ZC3H12B: variants seen among roughly 807,000 people sequenced by gnomAD.
The protein encoded by ZC3H12B is probable ribonuclease ZC3H12B.
ZC3H12B carries 7 observed loss-of-function variants against 43.9 expected under a neutral mutation model. The ratio of observed to expected loss-of-function variants is 0.16; its 90% confidence interval spans 0.09 to 0.30. ZC3H12B has a LOEUF of 0.30. Ranked by LOEUF, ZC3H12B falls within the 10% of genes least tolerant of loss-of-function variation. ZC3H12B has a pLI of 1.00. For synonymous variants in ZC3H12B, 222 were observed against 241.7 expected, an observed-to-expected ratio of 0.92 and a Z score of 0.76; for missense variants, 475 against 670.2, an observed-to-expected ratio of 0.71 and a Z score of 3.22.
chrX:65,245,166 A>G, the ZC3H12B span, among the ~76,000 whole-genome samples: 1 of 111,908 alleles, frequency 8.9e-6, no homozygotes, highest in Non-Finnish European at 1.9e-5. Context: ...ATTCCTGAAT[A>G]CATACAACCT....
the ZC3H12B span, among the ~76,000 whole-genome samples, chrX:65,094,809 C>T: frequency 8.9e-6 from 1 of 111,948 alleles, no homozygotes; most frequent in South Asian, 3.7e-4. Context: ...ATGGGAAGTA[C>T]ACATAAAGCA....
the ZC3H12B span, among the ~76,000 whole-genome samples, chrX:65,090,875 C>T: frequency 9.0e-6 from 1 of 111,059 alleles, no homozygotes; most frequent in Non-Finnish European, 1.9e-5. Context: ...TTGTTGCTGT[C>T]CTTGCGTTAG....
chrX:65,211,786 T>A, the ZC3H12B span, among the ~76,000 whole-genome samples: 1 of 82,183 alleles, frequency 1.2e-5, no homozygotes, highest in Non-Finnish European at 2.1e-5. Context: ...TAATATATTA[T>A]AAATATTATG....
the ZC3H12B span, among the ~76,000 whole-genome samples, chrX:65,340,871 C>A: frequency 0.083 from 9,218 of 111,422 alleles, 1,031 homozygotes; most frequent in African/African-American, 0.29. Flanking sequence ...GCTGAAATGA[C>A]AGAAATAAAA....
At chrX:65,453,453 G>T (rs2067553066) in intron 3 of ZC3H12B, among the ~76,000 whole-genome samples, 2 of 96,476 alleles carry the variant, frequency 2.1e-5, no homozygotes, top group African/African-American at 3.8e-5. Flanking sequence ...AGGTGCGGTT[G>T]CTCATGCCTG....
At chrX:65,178,807 TTGG>T in the ZC3H12B span, among the ~76,000 whole-genome samples, 4 of 112,008 alleles carry the variant, frequency 3.6e-5, no homozygotes, top group African/African-American at 1.3e-4. Flanking sequence ...TTTTACACTG[TTGG>T]TGGGAGTGTA....
the ZC3H12B span, among the ~76,000 whole-genome samples, chrX:65,097,059 T>G: frequency 8.9e-6 from 1 of 111,827 alleles, no homozygotes; most frequent in Non-Finnish European, 1.9e-5. Context: ...GTCCATAAGT[T>G]GTTAAAATTT....
chrX:65,169,029 C>T, the ZC3H12B span, among the ~76,000 whole-genome samples: 1 of 111,257 alleles, frequency 9.0e-6, no homozygotes, highest in East Asian at 2.8e-4. Flanking sequence ...GTGTCTCTGT[C>T]TCCTTCAGTT....
the ZC3H12B span, among the ~76,000 whole-genome samples, chrX:65,216,747 C>A: frequency 8.9e-6 from 1 of 111,784 alleles, no homozygotes; most frequent in Non-Finnish European, 1.9e-5. Context: ...TTTTTTCTTA[C>A]AACATGAGTA....
At chrX:65,366,809 A>G (rs2066180614) in intron 1 of ZC3H12B, 43 bp downstream of exon 3, 1 of 112,238 alleles carries the variant, frequency 8.9e-6, no homozygotes, top group African/African-American at 3.2e-5. Flanking sequence ...CATTTGCACT[A>G]TTATGTGACT....
chrX:65,162,655 G>C, the ZC3H12B span, among the ~76,000 whole-genome samples: 1 of 111,579 alleles, frequency 9.0e-6, no homozygotes, highest in Admixed American at 9.5e-5. Flanking sequence ...GGTTATTCTA[G>C]TTATACATTC....
intron 3 of ZC3H12B, among the ~76,000 whole-genome samples, chrX:65,460,965 C>T (rs1176987406): frequency 8.9e-6 from 1 of 111,780 alleles, no homozygotes; most frequent in Non-Finnish European, 1.9e-5. Context: ...ACTCATCTGA[C>T]AAAGGGCTAA....
At chrX:65,356,962 G>T in the ZC3H12B span, 8 of 465,471 alleles carry the variant, frequency 1.7e-5, no homozygotes, top group Non-Finnish European at 3.2e-5. Flanking sequence ...AGAGTTGATA[G>T]GTTTGTGATC....
the ZC3H12B span, among the ~76,000 whole-genome samples, chrX:65,132,192 G>A: frequency 1.2e-4 from 13 of 111,662 alleles, no homozygotes; most frequent in South Asian, 3.8e-4. Context: ...AAGAGTGTAC[G>A]GGTTGGGCAA....
chrX:65,451,113 A>G (rs1057358497), intron 3 of ZC3H12B, among the ~76,000 whole-genome samples: 3 of 108,397 alleles, frequency 2.8e-5, no homozygotes, highest in Non-Finnish European at 1.9e-5. Context: ...ATGCCTGGCT[A>G]ATTTTTTTGT....
At chrX:65,475,296 A>G (rs994353530) in intron 3 of ZC3H12B, among the ~76,000 whole-genome samples, 1 of 111,791 alleles carries the variant, frequency 8.9e-6, no homozygotes, top group Admixed American at 9.5e-5. Context: ...TGTTTCTTTC[A>G]GTTTGAAGAG....
intron 3 of ZC3H12B, among the ~76,000 whole-genome samples, chrX:65,441,158 C>A (rs1439075095): frequency 8.9e-6 from 1 of 111,751 alleles, no homozygotes; most frequent in Non-Finnish European, 1.9e-5. Context: ...ACTTGTGCCT[C>A]CCATTGCGGT....
At chrX:65,141,145 GTTTA>G in the ZC3H12B span, among the ~76,000 whole-genome samples, 1 of 109,731 alleles carries the variant, frequency 9.1e-6, no homozygotes, top group Admixed American at 9.7e-5. Flanking sequence ...AAGTTATGTT[GTTTA>G]TTTAAGATCT....
the ZC3H12B span, among the ~76,000 whole-genome samples, chrX:65,102,756 G>A: frequency 1.3e-4 from 15 of 111,476 alleles, no homozygotes; most frequent in Non-Finnish European, 2.5e-4. Flanking sequence ...ATAATTCAAC[G>A]TAAAAATAAA....
Sources: gnomAD v4.1 joint callset for allele counts (sites outside exome capture counted in the v4.1 genomes callset) on GRCh38, gnomAD v4.1.1 for gene constraint, MANE v1.5 for transcripts, NCBI Gene and HGNC (gene_info 2026-07-23, HGNC 2026-07-21) for gene names.